Variants in FLNA observed in about 807,000 individuals in gnomAD.
FLNA encodes filamin-A.
FLNA carries 7 observed loss-of-function variants against 157.6 expected under a neutral mutation model. The observed-to-expected ratio is 0.04, with a 90% confidence interval of 0.03 to 0.08. The LOEUF is 0.08. Ranked by LOEUF, FLNA falls within the 10% of genes least tolerant of loss-of-function variation. The pLI is 1.00. For synonymous variants in FLNA, 1,103 were observed against 1,060.8 expected, an observed-to-expected ratio of 1.04 and a Z score of -0.77; for missense variants, 1,750 against 2,398.4, an observed-to-expected ratio of 0.73 and a Z score of 5.65.
Position 154,366,081 on chromosome X carries a change from C to T in FLNA, c.1372G>A (p.Val458Ile), listed in dbSNP as rs782791907. The T allele has an allele frequency of 2.6e-5, 31 of 1,209,157 alleles. No homozygotes were observed. The Middle Eastern group carries it at 1.2e-3, about 45-fold the overall frequency. The change falls in exon 9 of 48, where the codon GTC becomes ATC. Residue 458 changes from valine to isoleucine, a missense_variant. Transcript: ENST00000369850. ...GGGATGGGCACGCCGGCAAACGTGACGTGCACGGTGTGGACGCCCTCCATG... is the reference window on the plus strand; with the variant it reads ...GGGATGGGCACGCCGGCAAACGTGATGTGCACGGTGTGGACGCCCTCCATG... ...PTMEGVHTVH[V>I]TFAGVPIPRS...
Position 154,354,609 on chromosome X carries a change from G to C in FLNA, c.5313+7C>G. The C allele has an allele frequency of 8.4e-7, 1 of 1,195,961 alleles. No homozygotes were observed. Among genetic ancestry groups the C allele is most frequent in the Non-Finnish European group, 1.1e-6 (1 of 886,772 alleles). ...AGCCCCAGTGTCCCTAGCTGGCCAGGCCGTACCCAAGTCTGCTGGCCGCCC... is the reference window on the plus strand; with the variant it reads ...AGCCCCAGTGTCCCTAGCTGGCCAGCCCGTACCCAAGTCTGCTGGCCGCCC... On this transcript the variant is annotated splice_region_variant and intron_variant, in intron 32 of 47. Transcript: ENST00000369850.
chrX:154,350,142 C>A lies in FLNA; in HGVS notation c.7222G>T (p.Gly2408Cys). ...AAGGGGCTTCCAGGGATGTGGGTGC[C>A]GTTGAACTTGACGTCAATCAGGTAA... ...GVYLIDVKFNGTHIPGSPFKI... is the reference protein window; with the variant it reads ...GVYLIDVKFNCTHIPGSPFKI... Residue 2408 changes from glycine to cysteine, a missense_variant, in exon 45 of 48, where the codon GGC (glycine) becomes TGC (cysteine). By Grantham distance (159) the Gly-to-Cys change is radical. Transcript: ENST00000369850. 2 of 1,211,325 alleles carry A rather than the reference C, an allele frequency of 1.7e-6. No individual in the cohort carries two copies. The highest frequency in any genetic ancestry group is 2.2e-6 in the Non-Finnish European group (2 of 895,002).
chrX:154,362,027 G>A lies in FLNA; in HGVS notation c.2778C>T (p.Ile926=), dbSNP rs782389613. The change falls in exon 19 of 48, where the codon ATC becomes ATT. Residue 926 remains isoleucine, a synonymous_variant. Transcript: ENST00000369850. ...CTGTGTAGGTGTTGTCATGGTGGTC[G>A]ATGATGTCCACATCTCGCACTGCAT... The part of the protein sequence containing the change: ...KGDAVRDVDI[I]DHHDNTYTVK... The A allele has an allele frequency of 4.1e-6, 5 of 1,210,579 alleles. No individual in the cohort carries two copies. Among genetic ancestry groups the A allele is most frequent in the South Asian group, 1.8e-5 (1 of 56,931 alleles).
Position 154,358,976 on chromosome X carries a change from A to T in FLNA, c.4474+8T>A, listed in dbSNP as rs1557177368. 4.1e-6 allele frequency: 5 copies of T among 1,210,057 alleles called. No homozygotes were observed. The highest frequency in any genetic ancestry group is 3.0e-5 in the East Asian group (1 of 33,852). On this transcript the variant is annotated splice_region_variant and intron_variant, in intron 26 of 47. Coordinates refer to ENST00000369850, the MANE Select transcript of FLNA (RefSeq NM_001110556.2). Reference sequence around the variant, plus strand: ...CTGACCCCTGGCTCCAGGCATGCAAACACTCACCTTTGGGCCCTTGCACTT... The same window carrying T: ...CTGACCCCTGGCTCCAGGCATGCAATCACTCACCTTTGGGCCCTTGCACTT...
At chrX:154,366,272 C>G in intron 8 of FLNA, 36 bp downstream of exon 8, 1 of 1,211,338 alleles carries the variant, frequency 8.3e-7, no homozygotes, top group Non-Finnish European at 1.1e-6. Flanking sequence ...GCGGCTCTCC[C>G]CACAGACCAG....
At position 154,352,933 on chromosome X, in the gene FLNA, T is replaced by G. The variant is rs1202642295; in HGVS notation, c.6227-9A>C. 1 of 1,210,079 alleles carries G rather than the reference T, an allele frequency of 8.3e-7. No individual in the cohort carries two copies. The highest frequency in any genetic ancestry group is 1.1e-6 in the Non-Finnish European group (1 of 894,990). ...GCTGAGCCCACCATAGCCTAGGGGA[T>G]GGATACCCCTGAGCCTCGGTGCTAT... is the stretch of plus-strand genomic sequence containing the variant. On this transcript the variant is annotated splice_polypyrimidine_tract_variant and intron_variant, in intron 38 of 47. Transcript: ENST00000369850.
In FLNA at chrX:154,362,586, G is replaced by A. The variant is rs782608545; in HGVS notation, c.2405-8C>T. On this transcript the variant is annotated splice_region_variant and splice_polypyrimidine_tract_variant and intron_variant, in intron 16 of 47. Coordinates refer to ENST00000369850, the MANE Select transcript of FLNA (RefSeq NM_001110556.2). ...TGCCGATGCTGACGTCCCCTGCGGCGGGGAGAGGAGCGGAGGCTGAGACCT... is the reference window on the plus strand; with the variant it reads ...TGCCGATGCTGACGTCCCCTGCGGCAGGGAGAGGAGCGGAGGCTGAGACCT... 9.9e-6 allele frequency: 12 copies of A among 1,209,345 alleles called. No individual in the cohort carries two copies. The highest frequency in any genetic ancestry group is 3.5e-5 in the South Asian group (2 of 56,882).
Position 154,371,008 on chromosome X carries a change from G to A in FLNA, c.238C>T (p.Leu80=). ...TTCTTCTGGCTGAGCACCTCCAACAGCGCGATAAGCCGCAGCCCGTCGCTC... is the reference window on the plus strand; with the variant it reads ...TTCTTCTGGCTGAGCACCTCCAACAACGCGATAAGCCGCAGCCCGTCGCTC... ...DLSDGLRLIA[L]LEVLSQKKMH... The change falls in exon 2 of 48, where the codon CTG becomes TTG. Residue 80 remains leucine, a synonymous_variant. Coordinates refer to ENST00000369850, the MANE Select transcript of FLNA (RefSeq NM_001110556.2). The A allele has an allele frequency of 8.3e-7, 1 of 1,209,785 alleles. No homozygotes were observed. Among genetic ancestry groups the A allele is most frequent in the Non-Finnish European group, 1.1e-6 (1 of 894,428 alleles).
Position 154,353,336 on chromosome X carries a change from C to T in FLNA, c.5982G>A (p.Glu1994=). 1 of 1,211,954 alleles carries T rather than the reference C, an allele frequency of 8.3e-7. No homozygotes were observed. The part of the protein sequence containing the change: ...TATVVPPSGR[E]EPCLLKRLRN... ...GCAGCCGCTTCAGCAAACAGGGCTC[C>T]TCCCGGCCCGAGGGCGGGACCACAG... The change falls in exon 37 of 48, where the codon GAG becomes GAA. Residue 1994 remains glutamate (E), a synonymous_variant. Transcript: ENST00000369850.
chrX:154,364,247 T>TGGACTTG lies in FLNA; in HGVS notation c.2136+11_2136+12insCAAGTCC, dbSNP rs1557178662. 8.3e-7 allele frequency: 1 copy of TGGACTTG among 1,207,834 alleles called. No individual in the cohort carries two copies. Among genetic ancestry groups the TGGACTTG allele is most frequent in the African/African-American group, 1.7e-5 (1 of 57,147 alleles). ...ACACCTGCCCTGCCCCCAACACCCG[T>TGGACTTG]GGGTGCTCTACCTGGACTTGGACCC... On this transcript the variant is annotated intron_variant, in intron 14 of 47. Coordinates refer to ENST00000369850, the MANE Select transcript of FLNA (RefSeq NM_001110556.2).
At chrX:154,356,624 GTC>G (rs1417313626) in intron 30 of FLNA, among the ~76,000 whole-genome samples, 2 of 110,576 alleles carry the variant, frequency 1.8e-5, no homozygotes, top group African/African-American at 6.6e-5. Context: ...GTTGGGGAAT[GTC>G]TGAATAACGT....
Position 154,361,291 on chromosome X carries a change from TC to T in FLNA, c.3207+16del. On this transcript the variant is annotated intron_variant, in intron 21 of 47. Coordinates refer to ENST00000369850, the MANE Select transcript of FLNA (RefSeq NM_001110556.2). The stretch of plus-strand genomic sequence containing the variant: ...CACAGTGGGTTCTACCCTTAGGGCC[TC>T]CCATACCCCAATTACCTTGCTAGGC... The T allele has an allele frequency of 1.7e-6, 2 of 1,205,483 alleles. No individual in the cohort carries two copies. Among genetic ancestry groups the T allele is most frequent in the Non-Finnish European group, 2.2e-6 (2 of 893,145 alleles).
At chrX:154,357,903 T>TG (rs1380022546) in intron 28 of FLNA, among the ~76,000 whole-genome samples, 1 of 112,240 alleles carries the variant, frequency 8.9e-6, no homozygotes, top group Non-Finnish European at 1.9e-5. Flanking sequence ...CTCACCGGGG[T>TG]GATCTCAAGC....
chrX:154,350,024 G>A lies in FLNA; in HGVS notation c.7333+7C>T, dbSNP rs1202689894. On this transcript the variant is annotated splice_region_variant and intron_variant, in intron 45 of 47. Transcript: ENST00000369850. ...GTGCACACGTGCAGCCGCACCGACA[G>A]ACTTACCTGTGACACCGCCTTCCAG... The A allele has an allele frequency of 3.3e-6, 4 of 1,209,368 alleles. No homozygotes were observed. Among genetic ancestry groups the A allele is most frequent in the African/African-American group, 3.5e-5 (2 of 57,291 alleles).
chrX:154,365,179 A>G lies in FLNA; in HGVS notation c.1648T>C (p.Tyr550His), dbSNP rs1557178908. 1 of 1,211,477 alleles carries G rather than the reference A, an allele frequency of 8.3e-7. No homozygotes were observed. The highest frequency in any genetic ancestry group is 2.2e-5 in the Admixed American group (1 of 46,085). Residue 550 changes from tyrosine to histidine, a missense_variant, in exon 11 of 48, where the codon TAT (tyrosine) becomes CAT (histidine). Physicochemically the swap from Tyr to His is moderately conservative, Grantham distance 83. Around this residue, in one of 5 missense-constraint regions of FLNA, gnomAD observed 648 missense variants for 805.8 expected, o/e 0.80. Coordinates refer to ENST00000369850, the MANE Select transcript of FLNA (RefSeq NM_001110556.2). ...CCACCCCACGTGATGGTGACGATATAGGTTCCAGGGACCATGGGGTAATAC... is the reference window on the plus strand; with the variant it reads ...CCACCCCACGTGATGGTGACGATATGGGTTCCAGGGACCATGGGGTAATAC... ...FEYYPMVPGT[Y>H]IVTITWGGQN...
At chrX:154,365,573 G>T in intron 9 of FLNA, 87 bp from the exon 10 acceptor site, 2 of 1,079,594 alleles carry the variant, frequency 1.9e-6, no homozygotes, top group Non-Finnish European at 2.5e-6. Flanking sequence ...GTCAGGATTG[G>T]TGGGTCCCTC....
chrX:154,367,766 G>C (rs2067773691), intron 3 of FLNA, 28 bp from the exon 4 acceptor site: 1 of 1,208,380 alleles, frequency 8.3e-7, no homozygotes, highest in Non-Finnish European at 1.1e-6. Context: ...CTGTGAGTCT[G>C]GGGGCCGCAG....
rs1272193622 is a variant in FLNA at position 154,365,027 on chromosome X, C to T, written c.1692-70G>A. On this transcript the variant is annotated intron_variant, in intron 11 of 47. Coordinates refer to ENST00000369850, the MANE Select transcript of FLNA (RefSeq NM_001110556.2). ...TGAGCCAGCGTGGGCCCCACTGTGG[C>T]GGCCAGGCAGGAAGAGCCCATGTGG... 7.5e-6 allele frequency: 9 copies of T among 1,203,089 alleles called. No individual in the cohort carries two copies. The East Asian group carries it at 8.9e-5, about 12-fold the overall frequency.
chrX:154,362,857 G>A, intron 15 of FLNA, 73 bp from the exon 16 acceptor site: 1 of 1,089,512 alleles, frequency 9.2e-7, no homozygotes, highest in Non-Finnish European at 1.2e-6. Context: ...CAGCTACACT[G>A]GCAGGCACAC....
Sources: allele counts gnomAD v4.1 joint callset (sites outside exome capture counted in the v4.1 genomes callset), GRCh38; gene constraint gnomAD v4.1.1; regional missense constraint gnomAD v4.1.1; transcripts MANE v1.5; gene names NCBI Gene and HGNC (gene_info 2026-07-23, HGNC 2026-07-21).